The following SORCS3 variants were observed in gnomAD, a reference collection of about 807,000 sequenced individuals.
SORCS3 encodes sortilin related VPS10 domain containing receptor 3.
Under a neutral mutation model 146.3 loss-of-function variants are expected in SORCS3, and 57 were observed. That is an observed-to-expected ratio of 0.39 (90% CI 0.31 to 0.49). The LOEUF is 0.49. Among genes scored for constraint, SORCS3 ranks in the 20% least tolerant of loss-of-function variants. SORCS3 has a pLI of 0.92. For missense variants in SORCS3, 1,341 were observed against 1,575.5 expected, an observed-to-expected ratio of 0.85 and a Z score of 2.52; for synonymous variants, 653 against 618.5, an observed-to-expected ratio of 1.06 and a Z score of -0.83.
At chr10:104,735,313 G>C (rs2016754729) in intron 1 of SORCS3, among the ~76,000 whole-genome samples, 1 of 152,106 alleles carries the variant, frequency 6.6e-6, no homozygotes, top group Non-Finnish European at 1.5e-5. Context: ...TGGGATTCAG[G>C]AAACTCCAGG....
intron 3 of SORCS3, among the ~76,000 whole-genome samples, chr10:104,933,679 G>A (rs2019231621): frequency 6.6e-6 from 1 of 152,236 alleles, no homozygotes; most frequent in South Asian, 2.1e-4. Context: ...CACGAGCCGT[G>A]TAAATCATGT....
At chr10:105,011,333 A>C (rs1039523145) in intron 4 of SORCS3, among the ~76,000 whole-genome samples, 3 of 152,146 alleles carry the variant, frequency 2.0e-5, no homozygotes, top group African/African-American at 7.2e-5. Context: ...ATGCCTTTGT[A>C]GTCCTTCTCT....
chr10:104,682,435 C>A (rs1237998097), intron 1 of SORCS3, among the ~76,000 whole-genome samples: 3 of 152,172 alleles, frequency 2.0e-5, no homozygotes, highest in African/African-American at 4.8e-5. Context: ...GATGTAACTA[C>A]CTTGTAAGGT....
chr10:104,688,625 G>T (rs957613689), intron 1 of SORCS3, among the ~76,000 whole-genome samples: 2 of 152,162 alleles, frequency 1.3e-5, no homozygotes, highest in African/African-American at 4.8e-5. Context: ...TCCCTTTCTT[G>T]TTCTTTTTCT....
chr10:104,708,427 C>T (rs1205143825), intron 1 of SORCS3, among the ~76,000 whole-genome samples: 1 of 152,156 alleles, frequency 6.6e-6, no homozygotes, highest in Non-Finnish European at 1.5e-5. Context: ...GAGACCCAGA[C>T]TAGCAAGGTA....
intron 1 of SORCS3, among the ~76,000 whole-genome samples, chr10:104,829,092 A>G (rs974667945): frequency 1.3e-5 from 2 of 152,200 alleles, no homozygotes; most frequent in Admixed American, 1.3e-4. Flanking sequence ...CACCTCTGGT[A>G]ATACTTTAAA....
At chr10:105,179,080 T>A (rs2056426582) in intron 14 of SORCS3, among the ~76,000 whole-genome samples, 1 of 152,222 alleles carries the variant, frequency 6.6e-6, no homozygotes, top group African/African-American at 2.4e-5. Context: ...TAGGAGCCAA[T>A]AAGTGATCAG....
intron 3 of SORCS3, among the ~76,000 whole-genome samples, chr10:104,957,843 G>T (rs911404077): frequency 6.6e-6 from 1 of 152,096 alleles, no homozygotes; most frequent in East Asian, 1.9e-4. Flanking sequence ...TTGCTACCTT[G>T]GTCCCCTCCT....
At chr10:105,156,773 A>G (rs914528756) in intron 9 of SORCS3, among the ~76,000 whole-genome samples, 1 of 152,162 alleles carries the variant, frequency 6.6e-6, no homozygotes, top group African/African-American at 2.4e-5. Flanking sequence ...CTGAGCAGAA[A>G]AACATGTTTG....
At chr10:105,253,396 C>A (rs1280514625) in intron 23 of SORCS3, among the ~76,000 whole-genome samples, 1 of 152,154 alleles carries the variant, frequency 6.6e-6, no homozygotes, top group Non-Finnish European at 1.5e-5. Flanking sequence ...GGATGTATTG[C>A]CTCTCTTTGC....
At chr10:105,233,439 G>T (rs185602593) in intron 20 of SORCS3, among the ~76,000 whole-genome samples, 1 of 151,912 alleles carries the variant, frequency 6.6e-6, no homozygotes, top group African/African-American at 2.4e-5. Context: ...TAAGTTCTGG[G>T]GTACATGTGA....
At chr10:105,146,664 G>A (rs928812888) in intron 8 of SORCS3, among the ~76,000 whole-genome samples, 1 of 152,054 alleles carries the variant, frequency 6.6e-6, no homozygotes, top group African/African-American at 2.4e-5. Flanking sequence ...CATTATGTTG[G>A]AGTCAGACCA....
intron 7 of SORCS3, among the ~76,000 whole-genome samples, chr10:105,121,398 TCACCC>T (rs2055931638): frequency 6.6e-6 from 1 of 152,180 alleles, no homozygotes; most frequent in African/African-American, 2.4e-5. Flanking sequence ...ATATAGGTAA[TCACCC>T]ATGGTTGTAT....
At chr10:104,674,630 G>C (rs1249857488) in intron 1 of SORCS3, among the ~76,000 whole-genome samples, 2 of 152,164 alleles carry the variant, frequency 1.3e-5, no homozygotes, top group Non-Finnish European at 2.9e-5. Flanking sequence ...GGAAGACCCA[G>C]GTAAGATGTA....
At chr10:104,817,993 A>G (rs1291919402) in intron 1 of SORCS3, among the ~76,000 whole-genome samples, 3 of 151,982 alleles carry the variant, frequency 2.0e-5, no homozygotes, top group African/African-American at 4.8e-5. Flanking sequence ...AGATTTACCA[A>G]TCATGTCACC....
intron 7 of SORCS3, among the ~76,000 whole-genome samples, chr10:105,130,323 T>C (rs1488764156): frequency 6.6e-6 from 1 of 152,112 alleles, no homozygotes; most frequent in Non-Finnish European, 1.5e-5. Context: ...AGACCCTTTA[T>C]TGTATTTGAA....
intron 10 of SORCS3, 46 bp downstream of exon 10, chr10:105,157,330 C>T (rs184258572): frequency 6.2e-7 from 1 of 1,605,068 alleles, no homozygotes; most frequent in Admixed American, 1.7e-5. Context: ...AGGCTGGCCA[C>T]CTGCAGAAGC....
chr10:105,090,529 CTCCA>C (rs1311296614), intron 6 of SORCS3, among the ~76,000 whole-genome samples: 1 of 152,184 alleles, frequency 6.6e-6, no homozygotes, highest in Non-Finnish European at 1.5e-5. Flanking sequence ...AAGGGCTCTT[CTCCA>C]TCCAGGAAAA....
chr10:104,831,498 A>C (rs2018000623), intron 1 of SORCS3, among the ~76,000 whole-genome samples: 1 of 152,186 alleles, frequency 6.6e-6, no homozygotes. Context: ...CAAAGAAAGA[A>C]GCACTAAATG....
Sources: gnomAD v4.1 joint callset for allele counts (sites outside exome capture counted in the v4.1 genomes callset) on GRCh38, gnomAD v4.1.1 for gene constraint, MANE v1.5 for transcripts, NCBI Gene and HGNC (gene_info 2026-07-23, HGNC 2026-07-21) for gene names.